ASCC3: variants seen among roughly 807,000 people sequenced by gnomAD.
The protein encoded by ASCC3 is ASC-1 complex subunit P200.
ASCC3 carries 158 observed loss-of-function variants against 256.3 expected under a neutral mutation model. The observed-to-expected ratio is 0.62, with a 90% CI of 0.54 to 0.70. The LOEUF (loss-of-function observed/expected upper bound fraction) is 0.70. ASCC3 is among the 30% of genes least tolerant of loss of function. The pLI is 0.00. For synonymous variants in ASCC3, 948 were observed against 883.4 expected, an observed-to-expected ratio of 1.07 and a Z score of -1.30; for missense variants, 2,259 against 2,626.0, an observed-to-expected ratio of 0.86 and a Z score of 3.05.
At position 100,583,329 on chromosome 6, in the gene ASCC3, C is replaced by T. The variant is rs1055306189; in HGVS notation, c.5550+6305G>A. ...TTTAGTCTTGGGAGGGTGTATGTGT[C>T]GAGGAATTTATCCATTTCTTCTAGA... On this transcript the variant is annotated intron_variant, in intron 36 of 41. Coordinates refer to ENST00000369162, the MANE Select transcript of ASCC3 (RefSeq NM_006828.4). 6.6e-5 allele frequency among the ~76,000 whole-genome samples: 10 copies of T among 152,028 alleles called. No homozygotes were observed. The South Asian group carries it at 1.0e-3, about 16-fold the overall frequency.
intron 13 of ASCC3, among the ~76,000 whole-genome samples, chr6:100,689,889 A>C (rs239207): frequency 0.56 from 85,180 of 151,786 alleles, 24,117 homozygotes; most frequent in East Asian, 0.73. Context: ...AGTGCTATTA[A>C]AAGGTGTAAA....
intron 13 of ASCC3, among the ~76,000 whole-genome samples, chr6:100,687,041 C>A (rs1777607522): frequency 6.9e-6 from 1 of 145,252 alleles, no homozygotes; most frequent in Non-Finnish European, 1.5e-5. Flanking sequence ...CTCTCACACA[C>A]ACACACACAC....
At chr6:100,821,223 C>T (rs1190169426) in intron 4 of ASCC3, among the ~76,000 whole-genome samples, 1 of 152,046 alleles carries the variant, frequency 6.6e-6, no homozygotes, top group Non-Finnish European at 1.5e-5. Flanking sequence ...ACTAGGTTGC[C>T]CAGTTGAGTC....
At chr6:100,510,193 T>C in intron 40 of ASCC3, 86 bp from the exon 41 acceptor site, 2 of 1,379,164 alleles carry the variant, frequency 1.5e-6, no homozygotes, top group East Asian at 4.6e-5. Flanking sequence ...GTTGTCTTAC[T>C]TGAAGGCCAT....
chr6:100,649,741 G>C (rs1178980226), intron 20 of ASCC3, among the ~76,000 whole-genome samples: 1 of 151,114 alleles, frequency 6.6e-6, no homozygotes. Flanking sequence ...ATAAAATTAA[G>C]CTTTAATTTC....
At chr6:100,526,912 A>C (rs1774604925) in intron 37 of ASCC3, among the ~76,000 whole-genome samples, 1 of 152,194 alleles carries the variant, frequency 6.6e-6, no homozygotes, top group Non-Finnish European at 1.5e-5. Context: ...TAATACTTAC[A>C]ATAAGTAAAC....
rs147742214 is a variant in ASCC3 at position 100,648,062 on chromosome 6, T to C, written c.3253-611A>G. 6.1e-3 allele frequency among the ~76,000 whole-genome samples: 932 copies of C among 152,236 alleles called. 9 individuals carry two copies. Among genetic ancestry groups the C allele is most frequent in the Non-Finnish European group, 8.8e-3 (597 of 67,978 alleles). On this transcript the variant is annotated intron_variant, in intron 20 of 41. Coordinates refer to ENST00000369162, the MANE Select transcript of ASCC3 (RefSeq NM_006828.4). ...AATATTATGATTTTATAGATGAATA[T>C]ACTAGGGCTTAAAGAGGTAAAAAAT...
Position 100,834,491 on chromosome 6 carries a change from G to T in ASCC3, c.801+13657C>A, listed in dbSNP as rs1771781794. ...AGATGTCTTATTATAAGGAACACAT[G>T]CTGTATGATTAAATCCCAAAACATA... On this transcript the variant is annotated intron_variant, in intron 4 of 41. Coordinates refer to ENST00000369162, the MANE Select transcript of ASCC3 (RefSeq NM_006828.4). Among the ~76,000 whole-genome samples, 3 of 152,138 alleles carry T rather than the reference G, an allele frequency of 2.0e-5. No homozygotes were observed. The South Asian group carries it at 6.2e-4, about 31-fold the overall frequency.
At chr6:100,586,425 A>G (rs1236646824) in intron 36 of ASCC3, among the ~76,000 whole-genome samples, 1 of 152,140 alleles carries the variant, frequency 6.6e-6, no homozygotes, top group African/African-American at 2.4e-5. Flanking sequence ...CCATTTTTTA[A>G]GCTCGTTGGA....
intron 19 of ASCC3, 113 bp from the exon 20 acceptor site, chr6:100,650,827 C>G (rs1270336588): frequency 2.3e-6 from 2 of 860,150 alleles, no homozygotes; most frequent in East Asian, 2.7e-5. Flanking sequence ...TATAATGCAG[C>G]ATTTTTCTTT....
chr6:100,829,811 G>A (rs1771531897), intron 4 of ASCC3, among the ~76,000 whole-genome samples: 1 of 152,088 alleles, frequency 6.6e-6, no homozygotes, highest in Non-Finnish European at 1.5e-5. Flanking sequence ...CACAGTAAGA[G>A]ATCAACAACA....
chr6:100,854,887 G>A (rs1316345165), intron 3 of ASCC3, among the ~76,000 whole-genome samples: 1 of 151,812 alleles, frequency 6.6e-6, no homozygotes, highest in Admixed American at 6.6e-5. Flanking sequence ...TAACATCCAA[G>A]GAAAAACAAA....
At chr6:100,733,896 T>A (rs530411108) in intron 10 of ASCC3, among the ~76,000 whole-genome samples, 1 of 152,310 alleles carries the variant, frequency 6.6e-6, no homozygotes, top group South Asian at 2.1e-4. Flanking sequence ...TTGCTTACTA[T>A]ATATATCCCT....
intron 13 of ASCC3, among the ~76,000 whole-genome samples, chr6:100,702,999 G>A (rs1778418449): frequency 6.6e-6 from 1 of 152,042 alleles, no homozygotes; most frequent in South Asian, 2.1e-4. Flanking sequence ...ATGATCATGT[G>A]ATAATGTTTA....
chr6:100,761,584 C>T (rs1300641317), intron 10 of ASCC3, among the ~76,000 whole-genome samples: 1 of 152,186 alleles, frequency 6.6e-6, no homozygotes, highest in Non-Finnish European at 1.5e-5. Flanking sequence ...GAAATAAAGA[C>T]ATTCTCAGAT....
At chr6:100,565,491 A>G (rs1441572011) in intron 36 of ASCC3, among the ~76,000 whole-genome samples, 1 of 152,120 alleles carries the variant, frequency 6.6e-6, no homozygotes, top group Non-Finnish European at 1.5e-5. Context: ...TAAATAGATG[A>G]GCACTCTTAG....
intron 8 of ASCC3, among the ~76,000 whole-genome samples, chr6:100,789,004 G>C (rs1277792241): frequency 4.0e-5 from 6 of 151,606 alleles, no homozygotes; most frequent in African/African-American, 1.5e-4. Context: ...GTATTTTATA[G>C]TAGTCAAATG....
intron 11 of ASCC3, among the ~76,000 whole-genome samples, chr6:100,725,269 G>C (rs1231655714): frequency 6.6e-6 from 1 of 151,846 alleles, no homozygotes; most frequent in African/African-American, 2.4e-5. Flanking sequence ...AAGATATCCT[G>C]TCTTTTCATT....
intron 11 of ASCC3, among the ~76,000 whole-genome samples, chr6:100,723,029 A>G (rs892191444): frequency 2.6e-5 from 4 of 151,688 alleles, no homozygotes; most frequent in Non-Finnish European, 5.9e-5. Flanking sequence ...CCACAGTTTG[A>G]TATATAGAAG....
Sources: allele counts gnomAD v4.1 joint callset (sites outside exome capture counted in the v4.1 genomes callset), GRCh38; gene constraint gnomAD v4.1.1; transcripts MANE v1.5; gene names NCBI Gene and HGNC (gene_info 2026-07-23, HGNC 2026-07-21).